PCNX4: variants seen among roughly 807,000 people sequenced by gnomAD.
The protein encoded by PCNX4 is pecanex-like protein 4.
Under a neutral mutation model 107.2 loss-of-function variants are expected in PCNX4, and 103 were observed. The ratio of observed to expected loss-of-function variants is 0.96; its 90% CI spans 0.82 to 1.13. The LOEUF (loss-of-function observed/expected upper bound fraction) is 1.13, where lower values mean the gene tolerates loss of function less well. PCNX4 is among the 50% of genes most tolerant of loss of function. The pLI is 0.00. For missense variants in PCNX4, 1,528 were observed against 1,379.4 expected, an observed-to-expected ratio of 1.11 and a Z score of -1.71; for synonymous variants, 541 against 481.7, an observed-to-expected ratio of 1.12 and a Z score of -1.61.
In PCNX4 at chr14:60,118,346, T is replaced by A. The variant is rs1159888112; in HGVS notation, c.1596T>A (p.Asp532Glu). The A allele has an allele frequency of 3.7e-6, 6 of 1,610,504 alleles. No homozygotes were observed. Among genetic ancestry groups the A allele is most frequent in the African/African-American group, 1.3e-5 (1 of 74,830 alleles). ...TTCTACAGGTTGGTATCATACGTGA[T>A]CGTTTGATTCAGTTCATCTCTAAAT... ...LRLLLVGIIR[D>E]RLIQFISKLQ... The change falls in exon 7 of 11, where the codon GAT (aspartate) becomes GAA (glutamate). Residue 532 changes from aspartate to glutamate, a missense_variant. Coordinates refer to ENST00000406854, the MANE Select transcript of PCNX4 (RefSeq NM_001330177.2).
At position 60,105,003 on chromosome 14, in the gene PCNX4, G is replaced by T. The variant is rs1376156749; in HGVS notation, c.-53-2583G>T. On this transcript the variant is annotated intron_variant, in intron 1 of 10. Transcript: ENST00000406854. ...AATCCTTGAGACCAGAAGTGTTTTG[G>T]ATTTGGGTTTTTTTTCCCCAGATTT... Among the ~76,000 whole-genome samples, 4 of 152,242 alleles carry T rather than the reference G, an allele frequency of 2.6e-5. 1 individual carries two copies. The East Asian group carries it at 7.7e-4, about 29-fold the overall frequency.
At chr14:60,133,761 T>C (rs1165807150) in intron 10 of PCNX4, 8 of 658,640 alleles carry the variant, frequency 1.2e-5, no homozygotes, top group Non-Finnish European at 1.9e-5. Flanking sequence ...AGGAAACTTT[T>C]ATTTAAAGAA....
intron 2 of PCNX4, among the ~76,000 whole-genome samples, chr14:60,112,216 TTGAA>T (rs879779752): frequency 1.6e-4 from 25 of 152,306 alleles, no homozygotes; most frequent in Admixed American, 1.3e-3. Context: ...CAGGAATTGT[TTGAA>T]TGAATGATAC....
Position 60,125,176 on chromosome 14 carries a change from T to C in PCNX4, c.3005T>C (p.Val1002Ala), listed in dbSNP as rs139774542. 1 of 1,611,708 alleles carries C rather than the reference T, an allele frequency of 6.2e-7. No homozygotes were observed. The highest frequency in any genetic ancestry group is 1.7e-5 in the Admixed American group (1 of 59,602). The change falls in exon 9 of 11, where the codon GTT becomes GCT. Residue 1002 changes from valine (V) to alanine (A), a missense_variant. By Grantham distance (64) the Val-to-Ala change is moderately conservative (BLOSUM62 0). Transcript: ENST00000406854. ...PGHILRVYGG[V>A]LPWSVALDWL... ...CATATATTGAGAGTTTACGGTGGTG[T>C]TTTGCCTTGGTCTGTTGCTTTGGAC...
In PCNX4 at chr14:60,135,127, A is replaced by G. The variant is rs1340151434; in HGVS notation, c.*906A>G. On this transcript the variant is annotated 3_prime_UTR_variant, in exon 11 of 11. Coordinates refer to ENST00000406854, the MANE Select transcript of PCNX4 (RefSeq NM_001330177.2). The stretch of plus-strand genomic sequence containing the variant: ...ACAGATACATGTAAGGGGGATTAAT[A>G]ATGAATCCACATCAGTTGAGAGATC... 5.3e-5 allele frequency: 8 copies of G among 152,224 alleles called. No homozygotes were observed. In the East Asian group the frequency reaches 1.5e-3, roughly 29 times the overall value. The allele number at this position is 152,224 out of a possible 1,614,324, so 9.4% of individuals were successfully genotyped here.
Position 60,134,160 on chromosome 14 carries a change from C to T in PCNX4, c.3458C>T (p.Ala1153Val), listed in dbSNP as rs184373921. The change falls in exon 11 of 11, where the codon GCA becomes GTA. Residue 1153 changes from alanine to valine, a missense_variant. By Grantham distance (64) the Ala-to-Val change is moderately conservative. Coordinates refer to ENST00000406854, the MANE Select transcript of PCNX4 (RefSeq NM_001330177.2). ...TTAAGAAATCTTACGGTACAAGCAG[C>T]AGAACCTCCCCTGGGATATCCGATT... is the stretch of plus-strand genomic sequence containing the variant. ...LLLRNLTVQA[A>V]EPPLGYPIYS... 8.1e-6 allele frequency: 13 copies of T among 1,613,708 alleles called. No individual in the cohort carries two copies. In the East Asian group the frequency reaches 2.9e-4, roughly 36 times the overall value.
rs1316537726 is a variant in PCNX4, at chr14:60,115,921, G to A, written c.1459-20G>A. On this transcript the variant is annotated intron_variant, in intron 5 of 10. Coordinates refer to ENST00000406854, the MANE Select transcript of PCNX4 (RefSeq NM_001330177.2). ...TTATCTAATTCTACCTGATAAAAATGGATAATTTGTATACTGCAGGTATGG... is the reference window on the plus strand; with the variant it reads ...TTATCTAATTCTACCTGATAAAAATAGATAATTTGTATACTGCAGGTATGG... 1.9e-6 allele frequency: 3 copies of A among 1,599,442 alleles called. No homozygotes were observed. The highest frequency in any genetic ancestry group is 2.7e-5 in the African/African-American group (2 of 74,404).
chr14:60,122,159 G>T (rs1352849774), intron 8 of PCNX4, among the ~76,000 whole-genome samples: 1 of 151,940 alleles, frequency 6.6e-6, no homozygotes, highest in Non-Finnish European at 1.5e-5. Flanking sequence ...TTACCACCTT[G>T]GTCCCAGCCA....
rs570816641 is a variant in PCNX4, at chr14:60,138,677, G to T, written c.*4456G>T. 6.6e-6 allele frequency: 1 copy of T among 151,934 alleles called. No individual in the cohort carries two copies. Among genetic ancestry groups the T allele is most frequent in the Non-Finnish European group, 1.5e-5 (1 of 67,972 alleles). The allele number at this position is 151,934 out of a possible 1,614,324, so 9.4% of individuals were successfully genotyped here. A position where few individuals can be genotyped will look rare whatever the true frequency, so the allele number is the denominator to read the frequency against. On this transcript the variant is annotated 3_prime_UTR_variant, in exon 11 of 11. Transcript: ENST00000406854. Reference sequence around the variant, plus strand: ...AATGAAGGCAAAGACACTTTCAAACGCAACAAATTTAATAGCAGATTGTCA... The same window carrying T: ...AATGAAGGCAAAGACACTTTCAAACTCAACAAATTTAATAGCAGATTGTCA...
Position 60,124,682 on chromosome 14 carries a change from A to G in PCNX4, c.2511A>G (p.Ile837Met), listed in dbSNP as rs751723124. 9.3e-6 allele frequency: 15 copies of G among 1,613,460 alleles called. No homozygotes were observed. Among genetic ancestry groups the G allele is most frequent in the Non-Finnish European group, 1.2e-5 (14 of 1,179,748 alleles). ...FDDEPTIKKV[I>M]EEKHQLKDLP... The stretch of plus-strand genomic sequence containing the variant: ...ATGAGCCAACTATCAAAAAAGTAAT[A>G]GAAGAAAAACATCAGTTGAAAGATT... The change falls in exon 9 of 11, where the codon ATA (isoleucine) becomes ATG (methionine). Residue 837 changes from isoleucine to methionine, a missense_variant. Physicochemically the swap from Ile to Met is conservative, Grantham distance 10 (BLOSUM62 1). Coordinates refer to ENST00000406854, the MANE Select transcript of PCNX4 (RefSeq NM_001330177.2).
chr14:60,124,776 ACTGTT>A lies in PCNX4; in HGVS notation c.2607_2611del (p.Val870Ter), dbSNP rs1363664146. On this transcript the variant is annotated frameshift_variant, in exon 9 of 11. Transcript: ENST00000406854. LOFTEE classifies it high-confidence loss of function. ...GAGGGTTGGTGATCATTCTACAGGC[ACTGTT>A]CCTGAAAACGATCTTTACAAAGCAG... 2 of 1,613,348 alleles carry A rather than the reference ACTGTT, an allele frequency of 1.2e-6. No individual in the cohort carries two copies. Among genetic ancestry groups the A allele is most frequent in the Non-Finnish European group, 1.7e-6 (2 of 1,179,780 alleles).
chr14:60,109,956 C>A (rs12878727), intron 2 of PCNX4: 1 of 167,026 alleles, frequency 6.0e-6, no homozygotes, highest in Non-Finnish European at 1.5e-5. Context: ...TCTCCTGTTT[C>A]TAGTAAAATG....
rs900493544 is a variant in PCNX4 at position 60,147,066 on chromosome 14, C to G, written c.*12845C>G. On this transcript the variant is annotated 3_prime_UTR_variant, in exon 11 of 11. Transcript: ENST00000406854. ...TGGGCAACGTGGCAAAAACCCGTCT[C>G]TACAAAAACTACAAAACCTAGCCAG... 2.6e-5 allele frequency: 4 copies of G among 152,126 alleles called. No individual in the cohort carries two copies. The highest frequency in any genetic ancestry group is 9.7e-5 in the African/African-American group (4 of 41,410). The allele number at this position is 152,126 out of a possible 1,614,324, so 9.4% of individuals were successfully genotyped here.
At chr14:60,127,216 AGGTTCAT>A (rs1896071152) in intron 10 of PCNX4, among the ~76,000 whole-genome samples, 1 of 152,236 alleles carries the variant, frequency 6.6e-6, no homozygotes, top group Non-Finnish European at 1.5e-5. Context: ...GGAGACTGGT[AGGTTCAT>A]TAAGCTAAAC....
At chr14:60,093,983 C>A (rs935027238) in intron 1 of PCNX4, among the ~76,000 whole-genome samples, 4 of 152,030 alleles carry the variant, frequency 2.6e-5, no homozygotes, top group African/African-American at 9.7e-5. Context: ...GCTTATTAAC[C>A]ATTTGTATAT....
chr14:60,118,475 C>T lies in PCNX4; in HGVS notation c.1725C>T (p.Phe575=), dbSNP rs201321269. The T allele has an allele frequency of 6.7e-4, 1,087 of 1,613,530 alleles. No individual in the cohort carries two copies. The highest frequency in any genetic ancestry group is 7.6e-4 in the Non-Finnish European group (900 of 1,179,798). ...TACTCAACATTGTCTTTTCTCCATT[C>T]GTGTTGGTCATCATAGTTTTTTCTA... ...LCILNIVFSP[F]VLVIIVFSTL... The change falls in exon 7 of 11, where the codon TTC becomes TTT. Residue 575 remains phenylalanine (F), a synonymous_variant. Transcript: ENST00000406854.
At chr14:60,127,495 TCA>T (rs1211725044) in intron 10 of PCNX4, among the ~76,000 whole-genome samples, 1 of 152,198 alleles carries the variant, frequency 6.6e-6, no homozygotes, top group African/African-American at 2.4e-5. Context: ...CTGTGTGCAT[TCA>T]CAGTTTGGCT....
chr14:60,103,619 A>G (rs1364989765), intron 1 of PCNX4, among the ~76,000 whole-genome samples: 1 of 152,144 alleles, frequency 6.6e-6, no homozygotes. Flanking sequence ...GTCTGCTTTC[A>G]CTCAATTCTT....
At chr14:60,126,309 T>G (rs308988) in intron 10 of PCNX4, 37,672 of 152,130 alleles carry the variant, frequency 0.25, 6,748 homozygotes, top group African/African-American at 0.5. Flanking sequence ...CTTATTGCAT[T>G]TAAAATGTTG....
Sources: gnomAD v4.1 joint callset for allele counts (sites outside exome capture counted in the v4.1 genomes callset) on GRCh38, gnomAD v4.1.1 for gene constraint, MANE v1.5 for transcripts, NCBI Gene and HGNC (gene_info 2026-07-23, HGNC 2026-07-21) for gene names.